NLRP6: variants seen among roughly 807,000 people sequenced by gnomAD.
NLRP6 encodes the protein NACHT, LRR and PYD domains-containing protein 6.
NLRP6 carries 55 observed loss-of-function variants against 70.9 expected under a neutral mutation model. The observed-to-expected ratio is 0.78, with a 90% CI of 0.62 to 0.97. NLRP6 has a LOEUF of 0.97. NLRP6 is among the 50% of genes least tolerant of loss of function. The pLI, the probability that NLRP6 is intolerant of heterozygous loss-of-function variation, is 0.00. For missense variants in NLRP6, 1,241 were observed against 1,238.3 expected, an observed-to-expected ratio of 1.00 and a Z score of -0.03; for synonymous variants, 652 against 581.9, an observed-to-expected ratio of 1.12 and a Z score of -1.73.
Position 280,557 on chromosome 11 carries a change from C to T in NLRP6, c.823C>T (p.Leu275Phe). Residue 275 changes from leucine to phenylalanine, a missense_variant, in exon 4 of 8, where the codon CTC becomes TTC. Coordinates refer to ENST00000534750, the MANE Select transcript of NLRP6 (RefSeq NM_001276700.2). ...PQMLAQPQRLLFILDGADELP... is the reference protein window; with the variant it reads ...PQMLAQPQRLFFILDGADELP... ...GATGCTGGCCCAGCCGCAGCGGCTG[C>T]TCTTCATCCTGGACGGCGCGGACGA... 3.3e-6 allele frequency: 5 copies of T among 1,520,448 alleles called. No individual in the cohort carries two copies. The highest frequency in any genetic ancestry group is 4.4e-6 in the Non-Finnish European group (5 of 1,146,026). The allele number at this position is 1,520,448 out of a possible 1,614,324, so 94.2% of individuals were successfully genotyped here. A position where few individuals can be genotyped will look rare whatever the true frequency, so the allele number is the denominator to read the frequency against.
intron 4 of NLRP6, among the ~76,000 whole-genome samples, chr11:282,258 G>C (rs1401303601): frequency 6.6e-6 from 1 of 152,062 alleles, no homozygotes; most frequent in Non-Finnish European, 1.5e-5. Flanking sequence ...GACCCAACTG[G>C]CTCCAGAAGT....
rs983736381 is a variant in NLRP6 at position 278,528 on chromosome 11, A to T, written c.-42A>T. ...TGAAGGAATCACCTCTCTGATCCCC[A>T]CCTCTGCCCCGGAGTGCTAGACCCA... On this transcript the variant is annotated 5_prime_UTR_variant, in exon 1 of 8. Transcript: ENST00000534750. This position sits in a 1 kb window ranked among gnomAD's most constrained non-coding sequence, Gnocchi z 4.7. 2.0e-6 allele frequency: 3 copies of T among 1,484,168 alleles called. No individual in the cohort carries two copies. The highest frequency in any genetic ancestry group is 2.7e-6 in the Non-Finnish European group (3 of 1,115,878). 91.9% of individuals were successfully genotyped at this position (1,484,168 alleles called of 1,614,324 possible).
Position 285,096 on chromosome 11 carries a change from G to A in NLRP6, c.2538-70G>A, listed in dbSNP as rs146114422. ...CTGCCCGCGGCCCGGCTGCCCCCAC[G>A]GCACTGCCCCCAAGCCCTGGCTGCT... On this transcript the variant is annotated intron_variant, in intron 7 of 7. Coordinates refer to ENST00000534750, the MANE Select transcript of NLRP6 (RefSeq NM_001276700.2). 4.1e-3 allele frequency: 5,947 copies of A among 1,459,760 alleles called. 30 individuals carry two copies. Among genetic ancestry groups the A allele is most frequent in the African/African-American group, 0.023 (1,614 of 71,490 alleles). The allele number at this position is 1,459,760 out of a possible 1,614,324, so 90.4% of individuals were successfully genotyped here. A position where few individuals can be genotyped will look rare whatever the true frequency, so the allele number is the denominator to read the frequency against.
At chr11:281,936 C>A in intron 4 of NLRP6, 97 bp downstream of exon 4, 1 of 1,123,058 alleles carries the variant, frequency 8.9e-7, no homozygotes, top group Admixed American at 2.7e-5. Flanking sequence ...GGGCGCACCT[C>A]CAGACCAGAC....
rs1445248600 is a variant in NLRP6 at position 281,079 on chromosome 11, G to A, written c.1345G>A (p.Ala449Thr). The part of the protein sequence containing the change: ...QGDLRNLCRL[A>T]REGVLGRRAQ... ...CGACCTGCGCAATCTGTGCCGCCTG[G>A]CCCGCGAGGGCGTCCTCGGACGCAG... The change falls in exon 4 of 8, where the codon GCC becomes ACC. Residue 449 changes from alanine to threonine, a missense_variant. Ala to Thr is a moderately conservative substitution (Grantham distance 58). Coordinates refer to ENST00000534750, the MANE Select transcript of NLRP6 (RefSeq NM_001276700.2). The A allele has an allele frequency of 1.2e-6, 2 of 1,612,558 alleles. No individual in the cohort carries two copies. Among genetic ancestry groups the A allele is most frequent in the Non-Finnish European group, 1.7e-6 (2 of 1,179,740 alleles).
intron 5 of NLRP6, 116 bp from the exon 6 acceptor site, chr11:284,114 A>G (rs1845518827): frequency 1.1e-6 from 1 of 891,374 alleles, no homozygotes; most frequent in South Asian, 1.5e-5. Flanking sequence ...AGGATGTGGC[A>G]CCAACACATC....
At chr11:284,424 C>T (rs766344598) in intron 6 of NLRP6, 24 bp downstream of exon 6, 62 of 1,600,548 alleles carry the variant, frequency 3.9e-5, no homozygotes, top group African/African-American at 1.1e-4. Context: ...TGGGAGGGAC[C>T]GTGGGATGCC....
At chr11:281,924 T>TG (rs1845486670) in intron 4 of NLRP6, 85 bp downstream of exon 4, 2 of 1,307,750 alleles carry the variant, frequency 1.5e-6, no homozygotes, top group Non-Finnish European at 2.1e-6. Context: ...CCATCTGGCA[T>TG]GGGGCGCACC....
In NLRP6 at chr11:278,451, G is replaced by T. The variant is rs572157319; in HGVS notation, c.-119G>T. 2 of 770,212 alleles carry T rather than the reference G, an allele frequency of 2.6e-6. No homozygotes were observed. Among genetic ancestry groups the T allele is most frequent in the South Asian group, 2.3e-5 (1 of 43,178 alleles). The allele number at this position is 770,212 out of a possible 1,614,324, so 47.7% of individuals were successfully genotyped here. ...CAGCTGAGCTGCGGTGTGTGGACCC[G>T]GGGAATGGACCGGGCTGGACAACCT... is the stretch of plus-strand genomic sequence containing the variant. On this transcript the variant is annotated 5_prime_UTR_variant, in exon 1 of 8. Transcript: ENST00000534750. The surrounding 1 kb of genome is among the most constrained non-coding windows in gnomAD (Gnocchi z 4.7).
At position 281,225 on chromosome 11, in the gene NLRP6, C is replaced by A; in HGVS notation, c.1491C>A (p.Phe497Leu). The A allele has an allele frequency of 6.2e-7, 1 of 1,613,232 alleles. No homozygotes were observed. The highest frequency in any genetic ancestry group is 8.5e-7 in the Non-Finnish European group (1 of 1,179,956). The change falls in exon 4 of 8, where the codon TTC becomes TTA. Residue 497 changes from phenylalanine (F) to leucine (L), a missense_variant. Physicochemically the swap from Phe to Leu is conservative, Grantham distance 22. Transcript: ENST00000534750. ...TGGAGACAGAGGTCACCTACCAGTT[C>A]ATCGACCAGAGCTTCCAGGAGTTCC... ...GVLETEVTYQFIDQSFQEFLA... is the reference protein window; with the variant it reads ...GVLETEVTYQLIDQSFQEFLA...
chr11:281,952 C>A, intron 4 of NLRP6, 113 bp downstream of exon 4: 1 of 945,558 alleles, frequency 1.1e-6, no homozygotes, highest in Non-Finnish European at 1.5e-6. Context: ...CAGACCCTGG[C>A]TCCCCAGATG....
rs750538551 is a variant in NLRP6 at position 284,490 on chromosome 11, C to T, written c.2385C>T (p.Asp795=). ...CCTCCCACAGGGTACAGCTGCCTGA[C>T]CCCCAGCGAGGGCTCCAGTACCTGG... is the stretch of plus-strand genomic sequence containing the variant. The part of the protein sequence containing the change: ...RVQTVRVQLP[D]PQRGLQYLVG... The change falls in exon 7 of 8, where the codon GAC becomes GAT. Residue 795 remains aspartate (D), a synonymous_variant. Coordinates refer to ENST00000534750, the MANE Select transcript of NLRP6 (RefSeq NM_001276700.2). 46 of 1,612,700 alleles carry T rather than the reference C, an allele frequency of 2.9e-5. No homozygotes were observed. Among genetic ancestry groups the T allele is most frequent in the Non-Finnish European group, 3.9e-5 (46 of 1,179,788 alleles).
At position 280,897 on chromosome 11, in the gene NLRP6, C is replaced by T. The variant is rs1845464977; in HGVS notation, c.1163C>T (p.Pro388Leu). 2 of 1,613,350 alleles carry T rather than the reference C, an allele frequency of 1.2e-6. No homozygotes were observed. The highest frequency in any genetic ancestry group is 1.7e-6 in the Non-Finnish European group (2 of 1,179,912). ...ACGCTGTTCGCGCTGTGCTTCGTGCCCTTCGTGTGCTGGATCGTGTGCACC... is the reference window on the plus strand; with the variant it reads ...ACGCTGTTCGCGCTGTGCTTCGTGCTCTTCGTGTGCTGGATCGTGTGCACC... Reference protein sequence around the residue: ...NETLFALCFVPFVCWIVCTVL... With the variant: ...NETLFALCFVLFVCWIVCTVL... The change falls in exon 4 of 8, where the codon CCC becomes CTC. Residue 388 changes from proline to leucine, a missense_variant. Physicochemically the swap from Pro to Leu is moderately conservative, Grantham distance 98 (BLOSUM62 -3). Coordinates refer to ENST00000534750, the MANE Select transcript of NLRP6 (RefSeq NM_001276700.2).
rs1232105389 is a variant in NLRP6 at position 280,488 on chromosome 11, C to A, written c.754C>A (p.Leu252Met). 5.7e-6 allele frequency: 9 copies of A among 1,591,328 alleles called. No individual in the cohort carries two copies. The highest frequency in any genetic ancestry group is 1.1e-5 in the South Asian group (1 of 90,328). Residue 252 changes from leucine to methionine, a missense_variant, in exon 4 of 8, where the codon CTG (leucine) becomes ATG (methionine). Physicochemically the swap from Leu to Met is conservative, Grantham distance 15. Transcript: ENST00000534750. Reference sequence around the variant, plus strand: ...GCCGGGCACGCGCAGCCTGGCTGACCTGATCCTGGACCAGTGCCCCGACCG... The same window carrying A: ...GCCGGGCACGCGCAGCCTGGCTGACATGATCCTGGACCAGTGCCCCGACCG... ...ERPGTRSLADLILDQCPDRGA... is the reference protein window; with the variant it reads ...ERPGTRSLADMILDQCPDRGA...
At chr11:285,014 A>G in intron 7 of NLRP6, 152 bp from the exon 8 acceptor site, 1 of 653,668 alleles carries the variant, frequency 1.5e-6, no homozygotes, top group Non-Finnish European at 2.6e-6. Context: ...TGGCACAGCC[A>G]AGCTGACAGC....
At chr11:281,881 T>G (rs1845486127) in intron 4 of NLRP6, 42 bp downstream of exon 4, 1 of 1,515,240 alleles carries the variant, frequency 6.6e-7, no homozygotes, top group African/African-American at 1.4e-5. Context: ...GTGTGAGGTG[T>G]GTGTGCCGGT....
intron 3 of NLRP6, 73 bp from the exon 4 acceptor site, chr11:280,011 G>T (rs992292871): frequency 8.9e-5 from 126 of 1,417,744 alleles, no homozygotes; most frequent in Non-Finnish European, 1.1e-4. Context: ...GCCGGGGAGG[G>T]CGTGGGCTCC....
rs772764320 is a variant in NLRP6 at position 280,767 on chromosome 11, G to A, written c.1033G>A (p.Glu345Lys). ...QGRLCSPQCA[E>K]VRGFSDKDKK... ...CCGCCTGTGTTCCCCGCAGTGCGCCGAGGTGCGCGGCTTCTCCGACAAGGA... is the reference window on the plus strand; with the variant it reads ...CCGCCTGTGTTCCCCGCAGTGCGCCAAGGTGCGCGGCTTCTCCGACAAGGA... The change falls in exon 4 of 8, where the codon GAG (glutamate) becomes AAG (lysine). Residue 345 changes from glutamate (E) to lysine (K), a missense_variant. Physicochemically the swap from Glu to Lys is moderately conservative, Grantham distance 56 (BLOSUM62 1). Transcript: ENST00000534750. 5 of 1,610,894 alleles carry A rather than the reference G, an allele frequency of 3.1e-6. No homozygotes were observed. The African/African-American group carries it at 5.3e-5, about 17-fold the overall frequency.
intron 5 of NLRP6, among the ~76,000 whole-genome samples, chr11:283,311 CTTTTTTT>C (rs34619806): frequency 1.7e-5 from 2 of 115,456 alleles, no homozygotes; most frequent in African/African-American, 6.5e-5. Context: ...ATGTACAGTT[CTTTTTTT>C]TTTTTTTTTT....
Sources: allele counts gnomAD v4.1 joint callset (sites outside exome capture counted in the v4.1 genomes callset), GRCh38; gene constraint gnomAD v4.1.1; non-coding constraint Gnocchi (gnomAD v3.1); transcripts MANE v1.5; gene names NCBI Gene and HGNC (gene_info 2026-07-23, HGNC 2026-07-21).